Variants in TMX3 observed in about 807,000 individuals in gnomAD.
TMX3 encodes thioredoxin related transmembrane protein 3, also known as protein disulfide-isomerase TMX3.
In TMX3, 40 loss-of-function variants were observed where a neutral mutation model predicts 64.4. The ratio of observed to expected loss-of-function variants is 0.62; its 90% CI spans 0.48 to 0.81. The LOEUF is 0.81. Ranked by LOEUF, TMX3 falls within the 30% of genes least tolerant of loss-of-function variation. The probability of loss-of-function intolerance (pLI) is 0.00; values close to 1 mark genes in which losing one functional copy is unlikely to be tolerated. For missense variants in TMX3, 497 were observed against 534.5 expected (o/e 0.93, Z 0.69); for synonymous variants, 189 against 175.7 (o/e 1.08, Z -0.60).
In TMX3 at chr18:68,675,639, T is replaced by C. The variant is rs1912866910; in HGVS notation, c.*1294A>G. ...TTATAGTGGAAAATTACTCAATGAA[T>C]AACCACTCAAATCATAGTTGCCTAA... On this transcript the variant is annotated 3_prime_UTR_variant, in exon 16 of 16. Coordinates refer to ENST00000299608, the MANE Select transcript of TMX3 (RefSeq NM_019022.5). 6.6e-6 allele frequency: 1 copy of C among 152,148 alleles called. No individual in the cohort carries two copies. The highest frequency in any genetic ancestry group is 2.1e-4 in the South Asian group (1 of 4,836). The allele number at this position is 152,148 out of a possible 1,614,324, so 9.4% of individuals were successfully genotyped here. A position where few individuals can be genotyped will look rare whatever the true frequency, so the allele number is the denominator to read the frequency against.
At chr18:68,692,577 A>G (rs115871736) in intron 8 of TMX3, among the ~76,000 whole-genome samples, 1 of 152,338 alleles carries the variant, frequency 6.6e-6, no homozygotes, top group African/African-American at 2.4e-5. Flanking sequence ...TATTCAAAAT[A>G]TGGGAAGACC....
chr18:68,698,939 G>C (rs998899195), intron 6 of TMX3, among the ~76,000 whole-genome samples: 1 of 151,324 alleles, frequency 6.6e-6, no homozygotes, highest in Non-Finnish European at 1.5e-5. Flanking sequence ...GGAGAATGGC[G>C]TGAACCCGGG....
intron 4 of TMX3, among the ~76,000 whole-genome samples, chr18:68,709,258 T>C (rs2031023436): frequency 6.6e-6 from 1 of 152,150 alleles, no homozygotes; most frequent in Non-Finnish European, 1.5e-5. Flanking sequence ...CTGAAAGCCA[T>C]GCTCTTTCCA....
chr18:68,679,347 G>T, intron 15 of TMX3, 116 bp downstream of exon 15: 1 of 718,950 alleles, frequency 1.4e-6, no homozygotes, highest in Non-Finnish European at 2.2e-6. Context: ...GTCATATCCT[G>T]CAAATTAAAA....
chr18:68,711,457 T>G (rs1666550542), intron 2 of TMX3, 54 bp from the exon 3 acceptor site: 10 of 1,304,388 alleles, frequency 7.7e-6, no homozygotes, highest in Non-Finnish European at 8.7e-6. Context: ...ACTTTACAAC[T>G]GTATAGTATA....
intron 14 of TMX3, among the ~76,000 whole-genome samples, chr18:68,680,224 G>A (rs1271339923): frequency 6.6e-6 from 1 of 152,088 alleles, no homozygotes; most frequent in Non-Finnish European, 1.5e-5. Flanking sequence ...TAAAGTTTGT[G>A]TAAAACTGAA....
chr18:68,684,901 A>G (rs1380047695), intron 10 of TMX3, among the ~76,000 whole-genome samples: 1 of 152,316 alleles, frequency 6.6e-6, no homozygotes, highest in Non-Finnish European at 1.5e-5. Context: ...TGTAGCTCTA[A>G]AACAATGGTC....
At chr18:68,681,473 T>G (rs1362644993) in intron 13 of TMX3, 2 of 982,818 alleles carry the variant, frequency 2.0e-6, no homozygotes, top group Non-Finnish European at 2.4e-6. Context: ...GTATAGATAC[T>G]TTTTTTCTCT....
chr18:68,695,010 T>C (rs934024987), intron 8 of TMX3, among the ~76,000 whole-genome samples: 1 of 152,164 alleles, frequency 6.6e-6, no homozygotes, highest in African/African-American at 2.4e-5. Flanking sequence ...TCTTTCATAA[T>C]TCCCCTGAAT....
chr18:68,713,382 T>A (rs1006279236), intron 2 of TMX3, among the ~76,000 whole-genome samples: 1 of 152,176 alleles, frequency 6.6e-6, no homozygotes, highest in African/African-American at 2.4e-5. Context: ...GCACCGGTTA[T>A]ACACCAAGTT....
At chr18:68,685,816 C>T (rs181775605) in intron 10 of TMX3, among the ~76,000 whole-genome samples, 4 of 152,168 alleles carry the variant, frequency 2.6e-5, no homozygotes, top group Admixed American at 1.3e-4. Context: ...TGTAGTCTGA[C>T]GAGGTCAGTG....
rs1915163642 is a variant in TMX3, at chr18:68,697,097, T to G, written c.570+129A>C. The stretch of plus-strand genomic sequence containing the variant: ...AGCATGTTTACTTTTTCCAAACATA[T>G]CACAGTAAATAAATCTGATATTAAA... On this transcript the variant is annotated intron_variant, in intron 8 of 15. Coordinates refer to ENST00000299608, the MANE Select transcript of TMX3 (RefSeq NM_019022.5). 1.4e-5 allele frequency: 8 copies of G among 565,586 alleles called. No homozygotes were observed. The South Asian group carries it at 1.9e-4, about 14-fold the overall frequency. The allele number at this position is 565,586 out of a possible 1,614,324, so 35.0% of individuals were successfully genotyped here.
At chr18:68,713,966 G>T in intron 1 of TMX3, 66 bp from the exon 2 acceptor site, 1 of 1,180,428 alleles carries the variant, frequency 8.5e-7, no homozygotes, top group Non-Finnish European at 1.2e-6. Context: ...TATAAGCTTA[G>T]TCATCTCTGA....
At chr18:68,678,218 A>G (rs757249574) in intron 15 of TMX3, among the ~76,000 whole-genome samples, 2 of 152,110 alleles carry the variant, frequency 1.3e-5, no homozygotes, top group South Asian at 2.1e-4. Flanking sequence ...GAAAAAAACA[A>G]AGAGTCCCAG....
intron 2 of TMX3, among the ~76,000 whole-genome samples, chr18:68,711,720 A>G (rs2031295762): frequency 6.6e-6 from 1 of 152,196 alleles, no homozygotes; most frequent in South Asian, 2.1e-4. Context: ...AAAAGGTACC[A>G]AAGGAAGCCT....
At chr18:68,699,005 G>T (rs1457228431) in intron 6 of TMX3, among the ~76,000 whole-genome samples, 2 of 150,112 alleles carry the variant, frequency 1.3e-5, no homozygotes, top group Non-Finnish European at 3.0e-5. Flanking sequence ...CTGGGCGAAA[G>T]AGCGAGACTC....
intron 10 of TMX3, among the ~76,000 whole-genome samples, chr18:68,684,992 A>G (rs1264585579): frequency 6.6e-6 from 1 of 152,228 alleles, no homozygotes; most frequent in African/African-American, 2.4e-5. Flanking sequence ...AATATGCAGA[A>G]TTAAACTGAC....
At chr18:68,697,715 G>A in intron 7 of TMX3, 1 of 459,216 alleles carries the variant, frequency 2.2e-6, no homozygotes, top group East Asian at 3.4e-5. Flanking sequence ...GCTAAGGCAG[G>A]CAACATTTAC....
At chr18:68,711,030 T>C (rs149575678) in intron 3 of TMX3, among the ~76,000 whole-genome samples, 71 of 152,290 alleles carry the variant, frequency 4.7e-4, no homozygotes, top group African/African-American at 1.7e-3. Context: ...TTGGAAACTA[T>C]CAAGAAAGCA....
Sources: allele counts gnomAD v4.1 joint callset (sites outside exome capture counted in the v4.1 genomes callset), GRCh38; gene constraint gnomAD v4.1.1; transcripts MANE v1.5; gene names NCBI Gene and HGNC (gene_info 2026-07-23, HGNC 2026-07-21).